ABTB2: variants seen among roughly 807,000 people sequenced by gnomAD.
ABTB2 encodes the protein ankyrin repeat and BTB domain containing 2, also known as ankyrin repeat and BTB/POZ domain-containing protein 2.
Under a neutral mutation model 104.1 loss-of-function variants are expected in ABTB2, and 56 were observed. That is an observed-to-expected ratio of 0.54 (90% confidence interval 0.43 to 0.67). The LOEUF is 0.67. Ranked by LOEUF, ABTB2 falls within the 30% of genes least tolerant of loss-of-function variation. The pLI is 0.00. For synonymous variants in ABTB2, 606 were observed against 608.2 expected, an observed-to-expected ratio of 1.00 and a Z score of 0.05; for missense variants, 1,279 against 1,407.7, an observed-to-expected ratio of 0.91 and a Z score of 1.46.
intron 1 of ABTB2, among the ~76,000 whole-genome samples, chr11:34,290,545 A>G (rs922488057): frequency 6.6e-6 from 1 of 152,238 alleles, no homozygotes; most frequent in Non-Finnish European, 1.5e-5. Flanking sequence ...GGATGCCTTC[A>G]AGAAAAACCA....
chr11:34,235,093 C>A (rs1379288126), intron 1 of ABTB2, among the ~76,000 whole-genome samples: 4 of 152,106 alleles, frequency 2.6e-5, no homozygotes, highest in East Asian at 1.9e-4. Flanking sequence ...GATCTCCTGA[C>A]CTTGTGATCC....
chr11:34,202,921 C>G (rs1400165901), intron 2 of ABTB2, among the ~76,000 whole-genome samples: 1 of 152,206 alleles, frequency 6.6e-6, no homozygotes, highest in East Asian at 1.9e-4. Context: ...GACTAAAACT[C>G]AGGATTGTTG....
At chr11:34,229,309 G>A (rs529800015) in intron 1 of ABTB2, among the ~76,000 whole-genome samples, 15 of 151,220 alleles carry the variant, frequency 9.9e-5, no homozygotes, top group African/African-American at 1.9e-4. Flanking sequence ...GATGAAACCC[G>A]TCTCTACCAA....
intron 3 of ABTB2, among the ~76,000 whole-genome samples, chr11:34,181,405 G>GGCCCC: frequency 6.6e-6 from 1 of 152,226 alleles, no homozygotes; most frequent in East Asian, 1.9e-4. Context: ...GGTAGGCAGG[G>GGCCCC]ACCCCAGAGT....
chr11:34,265,661 G>GA (rs1233763258), intron 1 of ABTB2, among the ~76,000 whole-genome samples: 2,071 of 25,712 alleles, frequency 0.081, 210 homozygotes, highest in Non-Finnish European at 0.12. Flanking sequence ...TCTGTCTCAA[G>GA]AAAAAAAAAA....
intron 1 of ABTB2, among the ~76,000 whole-genome samples, chr11:34,210,891 A>T (rs1217855478): frequency 1.3e-5 from 2 of 152,202 alleles, no homozygotes; most frequent in East Asian, 3.8e-4. Context: ...TAAAAATTAT[A>T]CTGCCCCACT....
chr11:34,170,036 A>T (rs1351456956), intron 5 of ABTB2, among the ~76,000 whole-genome samples: 3 of 152,128 alleles, frequency 2.0e-5, no homozygotes, highest in Non-Finnish European at 4.4e-5. Context: ...GGCCTTCCAA[A>T]CCCCACAGTG....
intron 1 of ABTB2, among the ~76,000 whole-genome samples, chr11:34,348,008 T>C (rs1167892274): frequency 6.6e-6 from 1 of 152,236 alleles, no homozygotes; most frequent in Non-Finnish European, 1.5e-5. Context: ...TTGACCTTCA[T>C]TCTGTACTGG....
chr11:34,281,379 C>A (rs1017710607), intron 1 of ABTB2, among the ~76,000 whole-genome samples: 1 of 152,182 alleles, frequency 6.6e-6, no homozygotes, highest in Admixed American at 6.5e-5. Flanking sequence ...CACACCCAAG[C>A]CTCAGAATTA....
rs751010805 is a variant in ABTB2 at position 34,164,730 on chromosome 11, G to C, written c.1944C>G (p.His648Gln). Residue 648 changes from histidine (H) to glutamine (Q), a missense_variant, in exon 9 of 17, where the codon CAC (histidine) becomes CAG (glutamine). Transcript: ENST00000435224. ...LEAHGMGSSL[H>Q]EDMNCFSHSA... ...AGTGGCTGAAGCAGTTCATGTCCTCGTGGAGGGAGGAGCCCATGCCGTGGG... is the reference window on the plus strand; with the variant it reads ...AGTGGCTGAAGCAGTTCATGTCCTCCTGGAGGGAGGAGCCCATGCCGTGGG... 1.3e-6 allele frequency: 2 copies of C among 1,552,846 alleles called. No individual in the cohort carries two copies. Among genetic ancestry groups the C allele is most frequent in the South Asian group, 1.2e-5 (1 of 80,732 alleles).
chr11:34,304,623 C>T (rs1417587222), intron 1 of ABTB2, among the ~76,000 whole-genome samples: 1 of 151,908 alleles, frequency 6.6e-6, no homozygotes, highest in Non-Finnish European at 1.5e-5. Flanking sequence ...AGTTTGAGAC[C>T]AGCCTGGGCA....
chr11:34,299,371 C>T (rs564382630), intron 1 of ABTB2, among the ~76,000 whole-genome samples: 5 of 152,104 alleles, frequency 3.3e-5, no homozygotes, highest in Middle Eastern at 3.2e-3. Flanking sequence ...AAAAAATAAT[C>T]ATTTAAGCAA....
At chr11:34,313,084 G>A (rs1854878753) in intron 1 of ABTB2, among the ~76,000 whole-genome samples, 1 of 152,232 alleles carries the variant, frequency 6.6e-6, no homozygotes, top group East Asian at 1.9e-4. Context: ...TCATGATTTA[G>A]AAATGGTCCA....
chr11:34,179,642 G>A (rs1304651243), intron 3 of ABTB2, among the ~76,000 whole-genome samples: 1 of 152,112 alleles, frequency 6.6e-6, no homozygotes, highest in Non-Finnish European at 1.5e-5. Context: ...TATAACCTTG[G>A]GCAGATCGTC....
chr11:34,352,173 C>T (rs371593318), intron 1 of ABTB2, among the ~76,000 whole-genome samples: 63 of 152,278 alleles, frequency 4.1e-4, no homozygotes, highest in African/African-American at 1.4e-3. Context: ...GAAGAGGTTT[C>T]GTCCCTGCTC....
chr11:34,323,175 G>A (rs552891746), intron 1 of ABTB2, among the ~76,000 whole-genome samples: 82 of 152,284 alleles, frequency 5.4e-4, no homozygotes, highest in African/African-American at 1.8e-3. Context: ...CCAAAGTGCT[G>A]GAATTACAGG....
At chr11:34,157,287 CG>C (rs1298209628) in intron 14 of ABTB2, among the ~76,000 whole-genome samples, 1 of 152,224 alleles carries the variant, frequency 6.6e-6, no homozygotes, top group African/African-American at 2.4e-5. Context: ...TTAGAACAGT[CG>C]GCCAGAACTT....
intron 5 of ABTB2, among the ~76,000 whole-genome samples, chr11:34,169,734 C>T (rs1350095345): frequency 6.6e-6 from 1 of 152,138 alleles, no homozygotes; most frequent in Non-Finnish European, 1.5e-5. Flanking sequence ...TGGTCCTTCC[C>T]CAACCCCTGG....
intron 3 of ABTB2, among the ~76,000 whole-genome samples, chr11:34,191,361 T>C (rs955874566): frequency 3.9e-5 from 6 of 152,238 alleles, no homozygotes; most frequent in African/African-American, 1.4e-4. Flanking sequence ...TTTGAAATTC[T>C]GTCTAGCCTG....
Sources: allele counts gnomAD v4.1 joint callset (sites outside exome capture counted in the v4.1 genomes callset), GRCh38; gene constraint gnomAD v4.1.1; transcripts MANE v1.5; gene names NCBI Gene and HGNC (gene_info 2026-07-23, HGNC 2026-07-21).